The following VPS51 variants were observed in gnomAD, a reference collection of about 807,000 sequenced individuals.
VPS51 encodes the protein VPS51 subunit of GARP complex.
VPS51 carries 55 observed loss-of-function variants against 65.1 expected under a neutral mutation model. That is an observed-to-expected ratio of 0.84 (90% CI 0.68 to 1.06). The LOEUF is 1.06. Among genes scored for constraint, VPS51 ranks in the 50% least tolerant of loss-of-function variants. The pLI, the probability that VPS51 is intolerant of heterozygous loss-of-function variation, is 0.00. For synonymous variants in VPS51, 473 were observed against 489.5 expected (o/e 0.97, Z 0.44); for missense variants, 943 against 1,101.6 (o/e 0.86, Z 2.04).
chr11:65,107,194 G>T lies in VPS51; in HGVS notation c.359-387G>T. On this transcript the variant is annotated intron_variant, in intron 2 of 9. Transcript: ENST00000279281. This position sits in a 1 kb window ranked among gnomAD's most constrained non-coding sequence, Gnocchi z 4.0. Reference sequence around the variant, plus strand: ...ATGTATTGCCTCATCCAGGCAGTGCGCTGGACACGCAGATGCGCTTGGGAG... The same window carrying T: ...ATGTATTGCCTCATCCAGGCAGTGCTCTGGACACGCAGATGCGCTTGGGAG... The T allele has an allele frequency of 2.1e-6, 1 of 478,754 alleles. No homozygotes were observed. The highest frequency in any genetic ancestry group is 6.3e-5 in the East Asian group (1 of 15,808). 29.7% of individuals were successfully genotyped at this position (478,754 alleles called of 1,614,324 possible).
At chr11:65,100,059 C>T (rs569934142) in intron 2 of VPS51, among the ~76,000 whole-genome samples, 3 of 152,098 alleles carry the variant, frequency 2.0e-5, no homozygotes, top group South Asian at 2.1e-4. Context: ...GTCGAGATCG[C>T]GCCACTGCAC....
chr11:65,111,861 G>A lies in VPS51; in HGVS notation c.*274G>A. On this transcript the variant is annotated 3_prime_UTR_variant, in exon 10 of 10. Coordinates refer to ENST00000279281, the MANE Select transcript of VPS51 (RefSeq NM_013265.4). ...GTTCCACTTAAAAACCCTGGGACGAGAGCGGTCCTTGTCTGCGTTCCGTGT... is the reference window on the plus strand; with the variant it reads ...GTTCCACTTAAAAACCCTGGGACGAAAGCGGTCCTTGTCTGCGTTCCGTGT... 1 of 1,008,482 alleles carries A rather than the reference G, an allele frequency of 9.9e-7. No homozygotes were observed. The highest frequency in any genetic ancestry group is 1.4e-5 in the South Asian group (1 of 69,438). The allele number at this position is 1,008,482 out of a possible 1,614,324, so 62.5% of individuals were successfully genotyped here. A position where few individuals can be genotyped will look rare whatever the true frequency, so the allele number is the denominator to read the frequency against.
At position 65,111,719 on chromosome 11, in the gene VPS51, C is replaced by A; in HGVS notation, c.*132C>A. ...ATGTGTGGCCTCCTCCTCTCGCTTG[C>A]TGGGCGGGCCTTTCCGGGGGCGGGG... On this transcript the variant is annotated 3_prime_UTR_variant, in exon 10 of 10. Transcript: ENST00000279281. The A allele has an allele frequency of 1.5e-6, 2 of 1,373,576 alleles. No individual in the cohort carries two copies. Among genetic ancestry groups the A allele is most frequent in the East Asian group, 2.5e-5 (1 of 39,714 alleles). 85.1% of individuals were successfully genotyped at this position (1,373,576 alleles called of 1,614,324 possible).
At chr11:65,108,135 C>T in intron 4 of VPS51, 62 bp from the exon 5 acceptor site, 4 of 1,564,050 alleles carry the variant, frequency 2.6e-6, no homozygotes, top group Admixed American at 3.7e-5. Flanking sequence ...CTTTGCTTTC[C>T]TGCTCCTGCC....
At position 65,109,271 on chromosome 11, in the gene VPS51, C is replaced by T; in HGVS notation, c.1444-9C>T. On this transcript the variant is annotated splice_polypyrimidine_tract_variant and intron_variant, in intron 5 of 9. Transcript: ENST00000279281. ...GACCTGCTGTGGACCTGGGCACCTT[C>T]TCTTGCAGGGTGAGTTCTGCAGTCA... is the stretch of plus-strand genomic sequence containing the variant. The T allele has an allele frequency of 6.2e-7, 1 of 1,606,460 alleles. No homozygotes were observed. Among genetic ancestry groups the T allele is most frequent in the East Asian group, 2.2e-5 (1 of 44,704 alleles).
Position 65,108,418 on chromosome 11 carries a change from G to T in VPS51, c.947G>T (p.Cys316Phe). 1 of 1,612,018 alleles carries T rather than the reference G, an allele frequency of 6.2e-7. No individual in the cohort carries two copies. Among genetic ancestry groups the T allele is most frequent in the Non-Finnish European group, 8.5e-7 (1 of 1,179,658 alleles). Residue 316 changes from cysteine to phenylalanine, a missense_variant, in exon 5 of 10, where the codon TGC becomes TTC. Transcript: ENST00000279281. ...HGGSGFVGGL[C>F]QVAAAYQELF... The stretch of plus-strand genomic sequence containing the variant: ...GGCAGTGGCTTCGTGGGCGGCCTCT[G>T]CCAGGTGGCGGCGGCCTACCAGGAG...
intron 2 of VPS51, among the ~76,000 whole-genome samples, chr11:65,098,356 A>G (rs925515740): frequency 1.3e-5 from 2 of 152,002 alleles, no homozygotes; most frequent in African/African-American, 4.8e-5. Context: ...AAGATGTATG[A>G]TATTAGGGGA....
chr11:65,108,820 C>T lies in VPS51; in HGVS notation c.1349C>T (p.Ala450Val). The change falls in exon 5 of 10, where the codon GCC becomes GTC. Residue 450 changes from alanine to valine, a missense_variant. This residue lies in a region of VPS51 where 855 missense variants were observed against 953.7 expected (regional missense o/e 0.90). Transcript: ENST00000279281. Reference sequence around the variant, plus strand: ...CTGGCCGAGTTGCTGGCCAATGTGGCCAGCTCCATCCTGAGCCACATTAAG... The same window carrying T: ...CTGGCCGAGTTGCTGGCCAATGTGGTCAGCTCCATCCTGAGCCACATTAAG... ...PGLAELLANV[A>V]SSILSHIKAS... 1.2e-6 allele frequency: 2 copies of T among 1,612,926 alleles called. No homozygotes were observed. The highest frequency in any genetic ancestry group is 1.7e-6 in the Non-Finnish European group (2 of 1,180,000).
chr11:65,108,339 G>A lies in VPS51; in HGVS notation c.868G>A (p.Glu290Lys). The change falls in exon 5 of 10, where the codon GAG (glutamate) becomes AAG (lysine). Residue 290 changes from glutamate (E) to lysine (K), a missense_variant. Physicochemically the swap from Glu to Lys is moderately conservative, Grantham distance 56. This residue lies in a region of VPS51 where 855 missense variants were observed against 953.7 expected (regional missense o/e 0.90). Transcript: ENST00000279281. ...LEKELRNLEAELGPSPPAPDV... is the reference protein window; with the variant it reads ...LEKELRNLEAKLGPSPPAPDV... ...GAAGGAGCTGAGAAACCTGGAGGCC[G>A]AGCTGGGGCCCTCACCTCCGGCTCC... is the stretch of plus-strand genomic sequence containing the variant. The A allele has an allele frequency of 6.2e-7, 1 of 1,611,350 alleles. No individual in the cohort carries two copies.
At chr11:65,110,170 G>A (rs1947882966) in intron 7 of VPS51, 1 of 623,062 alleles carries the variant, frequency 1.6e-6, no homozygotes, top group Non-Finnish European at 2.8e-6. Context: ...TTCCTTCTCA[G>A]CCCAGGATTA....
Position 65,111,755 on chromosome 11 carries a change from G to C in VPS51, c.*168G>C. 1 of 1,204,376 alleles carries C rather than the reference G, an allele frequency of 8.3e-7. No homozygotes were observed. Among genetic ancestry groups the C allele is most frequent in the Non-Finnish European group, 1.1e-6 (1 of 888,978 alleles). The allele number at this position is 1,204,376 out of a possible 1,614,324, so 74.6% of individuals were successfully genotyped here. ...TTTCCGGGGGCGGGGTTTTGAAGCT[G>C]AGGCTTCTGAGGCGCCCGCGTCGGG... is the stretch of plus-strand genomic sequence containing the variant. On this transcript the variant is annotated 3_prime_UTR_variant, in exon 10 of 10. Transcript: ENST00000279281.
intron 2 of VPS51, among the ~76,000 whole-genome samples, chr11:65,100,960 TATAAC>T (rs1296367099): frequency 1.3e-5 from 2 of 152,182 alleles, no homozygotes; most frequent in African/African-American, 2.4e-5. Flanking sequence ...TAAAAATAGA[TATAAC>T]ATACTGACAC....
Position 65,108,798 on chromosome 11 carries a change from G to T in VPS51, c.1327G>T (p.Ala443Ser), listed in dbSNP as rs771110751. 1.2e-6 allele frequency: 2 copies of T among 1,612,846 alleles called. No homozygotes were observed. The highest frequency in any genetic ancestry group is 1.7e-6 in the Non-Finnish European group (2 of 1,179,974). ...RVAGKEGPGLAELLANVASSI... is the reference protein window; with the variant it reads ...RVAGKEGPGLSELLANVASSI... ...GGCTGGGAAGGAGGGCCCTGGCCTG[G>T]CCGAGTTGCTGGCCAATGTGGCCAG... is the stretch of plus-strand genomic sequence containing the variant. Residue 443 changes from alanine (A) to serine (S), a missense_variant, in exon 5 of 10, where the codon GCC (alanine) becomes TCC (serine). Coordinates refer to ENST00000279281, the MANE Select transcript of VPS51 (RefSeq NM_013265.4).
chr11:65,096,505 T>TTGGGGGGGGG, intron 1 of VPS51, 27 bp downstream of exon 1: 3 of 371,824 alleles, frequency 8.1e-6, no homozygotes, highest in Non-Finnish European at 9.2e-6. Flanking sequence ...AGTGGGGGGG[T>TTGGGGGGGGG]GCGGGGAGGG....
intron 2 of VPS51, among the ~76,000 whole-genome samples, chr11:65,097,387 G>T (rs11227120): frequency 0.3 from 45,551 of 152,088 alleles, 8,122 homozygotes; most frequent in Admixed American, 0.41. Context: ...TAGAGACAAT[G>T]TCTTGTTCTG....
Position 65,108,884 on chromosome 11 carries a change from G to A in VPS51, c.1413G>A (p.Glu471=). 6.2e-7 allele frequency: 1 copy of A among 1,613,068 alleles called. No homozygotes were observed. The highest frequency in any genetic ancestry group is 8.5e-7 in the Non-Finnish European group (1 of 1,180,026). The change falls in exon 5 of 10, where the codon GAG becomes GAA. Residue 471 remains glutamate (E), a synonymous_variant. Coordinates refer to ENST00000279281, the MANE Select transcript of VPS51 (RefSeq NM_013265.4). ...CAGTGCACCTTTTCACCGCCAAAGA[G>A]GTGTCCTTCTCCAACAAGCCCTACT... The part of the protein sequence containing the change: ...LAAVHLFTAK[E]VSFSNKPYFR...
chr11:65,106,005 T>G (rs1489040412), intron 2 of VPS51, among the ~76,000 whole-genome samples: 2 of 152,234 alleles, frequency 1.3e-5, no homozygotes, highest in African/African-American at 4.8e-5. Flanking sequence ...CACTCCAGCC[T>G]GGGTGACAGA....
Position 65,108,671 on chromosome 11 carries a change from A to G in VPS51, c.1200A>G (p.Glu400=). The G allele has an allele frequency of 6.3e-7, 1 of 1,575,962 alleles. No individual in the cohort carries two copies. The change falls in exon 5 of 10, where the codon GAA becomes GAG. Residue 400 remains glutamate, a synonymous_variant. Coordinates refer to ENST00000279281, the MANE Select transcript of VPS51 (RefSeq NM_013265.4). ...GLADAATEIV[E]RVARERLGHH... is the part of the protein sequence containing the mutation. ...CAGACGCTGCCACGGAGATCGTGGAACGAGTGGCCCGCGAGCGCCTGGGCC... is the reference window on the plus strand; with the variant it reads ...CAGACGCTGCCACGGAGATCGTGGAGCGAGTGGCCCGCGAGCGCCTGGGCC...
At chr11:65,098,957 G>A (rs1183836780) in intron 2 of VPS51, among the ~76,000 whole-genome samples, 4 of 152,206 alleles carry the variant, frequency 2.6e-5, no homozygotes, top group African/African-American at 7.2e-5. Flanking sequence ...GGAGGCTGAG[G>A]TGGGTGGATC....
Sources: gnomAD v4.1 joint callset for allele counts (sites outside exome capture counted in the v4.1 genomes callset) on GRCh38, gnomAD v4.1.1 for gene constraint, gnomAD v4.1.1 regional missense constraint, Gnocchi (gnomAD v3.1) non-coding constraint, MANE v1.5 for transcripts, NCBI Gene and HGNC (gene_info 2026-07-23, HGNC 2026-07-21) for gene names.